Variants in MYO5B observed in about 807,000 individuals in gnomAD.
MYO5B encodes the protein unconventional myosin-Vb.
In MYO5B, 143 loss-of-function variants were observed where a neutral mutation model predicts 229.3. That is an observed-to-expected ratio of 0.62 (90% CI 0.54 to 0.72). The LOEUF (loss-of-function observed/expected upper bound fraction) is 0.72. Among genes scored for constraint, MYO5B ranks in the 30% least tolerant of loss-of-function variants. The pLI is 0.00. For missense variants in MYO5B, 2,321 were observed against 2,331.0 expected (o/e 1.00, Z 0.09); for synonymous variants, 918 against 885.2 (o/e 1.04, Z -0.66).
intron 1 of MYO5B, among the ~76,000 whole-genome samples, chr18:50,092,941 C>A (rs2031477798): frequency 1.3e-5 from 2 of 152,162 alleles, no homozygotes; most frequent in African/African-American, 2.4e-5. Flanking sequence ...AGCATGCATT[C>A]TCTTTTAAAA....
chr18:49,848,244 G>C (rs1598829754), intron 32 of MYO5B, among the ~76,000 whole-genome samples: 1 of 152,218 alleles, frequency 6.6e-6, no homozygotes, highest in Admixed American at 6.5e-5. Flanking sequence ...TGATGTGGGT[G>C]CTGGTGGTGA....
chr18:49,942,738 G>C (rs1347369579), intron 14 of MYO5B, among the ~76,000 whole-genome samples: 2 of 152,056 alleles, frequency 1.3e-5, no homozygotes, highest in Non-Finnish European at 2.9e-5. Context: ...AGGATGTGGA[G>C]AAATAGGAAC....
intron 1 of MYO5B, among the ~76,000 whole-genome samples, chr18:50,173,608 A>G (rs2032951148): frequency 6.6e-6 from 1 of 152,180 alleles, no homozygotes; most frequent in Admixed American, 6.5e-5. Flanking sequence ...TGAGGGGGCA[A>G]GAAGAGCGAG....
At chr18:50,134,539 A>G (rs948217760) in intron 1 of MYO5B, among the ~76,000 whole-genome samples, 2 of 150,470 alleles carry the variant, frequency 1.3e-5, no homozygotes, top group African/African-American at 2.5e-5. Context: ...TGGGCGATAG[A>G]GTGAGACTCC....
chr18:49,908,052 G>A (rs968146576), intron 18 of MYO5B, among the ~76,000 whole-genome samples: 22 of 152,324 alleles, frequency 1.4e-4, no homozygotes, highest in African/African-American at 4.8e-4. Flanking sequence ...CCTGAGTCAG[G>A]GAACAAGCCT....
In MYO5B at chr18:49,936,260, G is replaced by A. The variant is rs1287936673; in HGVS notation, c.1995C>T (p.Leu665=). Residue 665 remains leucine, a synonymous_variant, in exon 16 of 40, where the codon CTC becomes CTT. Transcript: ENST00000285039. Reference sequence around the variant, plus strand: ...GCCCAGCAGGCACTTACTGAAAGGGGAGCTTCTCATCGTTGGGCTTGATGC... The same window carrying A: ...GCCCAGCAGGCACTTACTGAAAGGGAAGCTTCTCATCGTTGGGCTTGATGC... ...VRCIKPNDEK[L]PFHFDPKRAV... The A allele has an allele frequency of 6.3e-7, 1 of 1,594,512 alleles. No homozygotes were observed. Among genetic ancestry groups the A allele is most frequent in the Non-Finnish European group, 8.6e-7 (1 of 1,169,436 alleles).
intron 18 of MYO5B, among the ~76,000 whole-genome samples, chr18:49,908,004 C>T (rs2024918590): frequency 6.6e-6 from 1 of 152,216 alleles, no homozygotes; most frequent in South Asian, 2.1e-4. Context: ...ATGGCTCAGC[C>T]AGGAGGGGTT....
chr18:49,992,249 A>G, intron 6 of MYO5B, 39 bp downstream of exon 6: 2 of 1,614,024 alleles, frequency 1.2e-6, no homozygotes, highest in Non-Finnish European at 1.7e-6. Context: ...GTAATTGTCC[A>G]TGAGAAATAC....
chr18:50,001,866 C>A (rs990239534), intron 4 of MYO5B, among the ~76,000 whole-genome samples: 8 of 152,070 alleles, frequency 5.3e-5, no homozygotes, highest in Admixed American at 5.2e-4. Flanking sequence ...CCTGTCTCTA[C>A]TAAAAAACAA....
intron 1 of MYO5B, among the ~76,000 whole-genome samples, chr18:50,187,943 A>T (rs562825685): frequency 9.8e-5 from 15 of 152,288 alleles, no homozygotes; most frequent in Non-Finnish European, 1.6e-4. Flanking sequence ...GGCCCAGAAA[A>T]AGAACATTAG....
rs543102232 is a variant in MYO5B at position 50,042,960 on chromosome 18, G to A, written c.139-2646C>T. Among the ~76,000 whole-genome samples the A allele has an allele frequency of 3.9e-5, 6 of 152,214 alleles. No individual in the cohort carries two copies. The East Asian group carries it at 1.2e-3, about 29-fold the overall frequency. On this transcript the variant is annotated intron_variant, in intron 2 of 39. Transcript: ENST00000285039. ...GCTGGCCTCCTCTAGATTCTCAGAT[G>A]AATCTCTTCAACTCTTCCCCCCAAG...
intron 5 of MYO5B, among the ~76,000 whole-genome samples, chr18:49,998,350 C>A (rs1370531039): frequency 6.6e-6 from 1 of 152,032 alleles, no homozygotes; most frequent in African/African-American, 2.4e-5. Flanking sequence ...TTTACATGAC[C>A]ATGTAAGATT....
intron 16 of MYO5B, 83 bp downstream of exon 16, chr18:49,936,169 C>CAAGG (rs2025247301): frequency 2.5e-6 from 3 of 1,193,944 alleles, no homozygotes; most frequent in Non-Finnish European, 3.6e-6. Context: ...AGGCCACAGA[C>CAAGG]CCCCAGGCAA....
chr18:50,002,177 G>C (rs1330680862), intron 4 of MYO5B, among the ~76,000 whole-genome samples: 1 of 151,814 alleles, frequency 6.6e-6, no homozygotes, highest in Non-Finnish European at 1.5e-5. Flanking sequence ...TCCTGCATTT[G>C]AGCCTAGCAT....
intron 1 of MYO5B, among the ~76,000 whole-genome samples, chr18:50,092,999 C>G (rs2031479198): frequency 6.6e-6 from 1 of 152,110 alleles, no homozygotes. Flanking sequence ...AACAAACATG[C>G]AGAGAAACTT....
intron 31 of MYO5B, chr18:49,850,214 C>T (rs1185870741): frequency 4.3e-5 from 8 of 185,646 alleles, no homozygotes; most frequent in Non-Finnish European, 6.8e-5. Flanking sequence ...GAGGAGTTTG[C>T]TGTCATTAAT....
At chr18:49,867,551 C>A (rs766456254) in intron 27 of MYO5B, among the ~76,000 whole-genome samples, 3 of 152,102 alleles carry the variant, frequency 2.0e-5, no homozygotes, top group Non-Finnish European at 2.9e-5. Flanking sequence ...CCTAGGTTAG[C>A]TGGACATTGG....
intron 4 of MYO5B, among the ~76,000 whole-genome samples, chr18:50,034,989 G>A (rs72913878): frequency 0.038 from 5,849 of 152,194 alleles, 154 homozygotes; most frequent in Non-Finnish European, 0.062. Context: ...CATTACCCTA[G>A]GGCAAGACAG....
chr18:50,039,132 T>A (rs1162352037), intron 3 of MYO5B, among the ~76,000 whole-genome samples: 1 of 151,638 alleles, frequency 6.6e-6, no homozygotes, highest in South Asian at 2.1e-4. Context: ...AGGCGTTCCC[T>A]CCCGGGACAA....
Sources: gnomAD v4.1 joint callset for allele counts (sites outside exome capture counted in the v4.1 genomes callset) on GRCh38, gnomAD v4.1.1 for gene constraint, MANE v1.5 for transcripts, NCBI Gene and HGNC (gene_info 2026-07-23, HGNC 2026-07-21) for gene names.